Variants in TMEM123 observed in about 807,000 individuals in gnomAD.
The protein encoded by TMEM123 is porimin.
A neutral mutation model predicts 19.7 loss-of-function variants in TMEM123; 16 were observed. That is an observed-to-expected ratio of 0.81 (90% confidence interval 0.55 to 1.23). The LOEUF (loss-of-function observed/expected upper bound fraction) is 1.23, where lower values mean the gene tolerates loss of function less well. TMEM123 is among the 50% of genes most tolerant of loss of function. The probability of loss-of-function intolerance (pLI) is 0.00; values close to 1 mark genes in which losing one functional copy is unlikely to be tolerated. For missense variants in TMEM123, 313 were observed against 257.8 expected, an observed-to-expected ratio of 1.21 and a Z score of -1.47; for synonymous variants, 118 against 99.4, an observed-to-expected ratio of 1.19 and a Z score of -1.12.
chr11:102,425,330 G>A (rs1049897315), intron 2 of TMEM123, among the ~76,000 whole-genome samples: 5 of 152,130 alleles, frequency 3.3e-5, no homozygotes, highest in Admixed American at 1.3e-4. Context: ...AGATGGTTAC[G>A]GTCCACTGTT....
At chr11:102,438,873 C>T (rs1379107358) in intron 2 of TMEM123, among the ~76,000 whole-genome samples, 3 of 152,176 alleles carry the variant, frequency 2.0e-5, no homozygotes, top group African/African-American at 4.8e-5. Flanking sequence ...CCTAGAAAAT[C>T]GGGACACTCC....
At chr11:102,411,889 G>C (rs1054796534) in intron 2 of TMEM123, among the ~76,000 whole-genome samples, 24 of 152,138 alleles carry the variant, frequency 1.6e-4, no homozygotes, top group African/African-American at 5.6e-4. Flanking sequence ...TACAGTTGGG[G>C]GGCACCCAAG....
intron 1 of TMEM123, chr11:102,449,127 A>T (rs1857913034): frequency 2.9e-6 from 1 of 340,380 alleles, no homozygotes; most frequent in African/African-American, 2.1e-5. Context: ...TATACCAGCC[A>T]CCGAATGCAA....
At chr11:102,448,587 T>G (rs180789018) in intron 2 of TMEM123, among the ~76,000 whole-genome samples, 1 of 152,324 alleles carries the variant, frequency 6.6e-6, no homozygotes, top group African/African-American at 2.4e-5. Context: ...ACTTTTTGTT[T>G]TAGAATTTAT....
At chr11:102,417,653 T>A (rs1264298892) in intron 2 of TMEM123, among the ~76,000 whole-genome samples, 1 of 152,174 alleles carries the variant, frequency 6.6e-6, no homozygotes, top group Admixed American at 6.5e-5. Context: ...CTAAAATTCA[T>A]ATGGATCCAA....
chr11:102,446,525 A>C (rs1591568771), intron 2 of TMEM123, among the ~76,000 whole-genome samples: 1 of 152,386 alleles, frequency 6.6e-6, no homozygotes, highest in South Asian at 2.1e-4. Context: ...CACATCTGCA[A>C]AATGTATATA....
chr11:102,432,295 C>T (rs769754410), intron 2 of TMEM123, among the ~76,000 whole-genome samples: 6 of 152,166 alleles, frequency 3.9e-5, no homozygotes, highest in Non-Finnish European at 5.9e-5. Flanking sequence ...ACTTGTTGAA[C>T]GGCTTTGACC....
chr11:102,406,727 C>T (rs1409514579), intron 2 of TMEM123, among the ~76,000 whole-genome samples: 2 of 151,880 alleles, frequency 1.3e-5, no homozygotes, highest in African/African-American at 4.8e-5. Context: ...AAAAATTAGC[C>T]GGGCATGGTG....
intron 2 of TMEM123, among the ~76,000 whole-genome samples, chr11:102,407,320 G>C (rs755808157): frequency 2.0e-5 from 3 of 152,208 alleles, no homozygotes; most frequent in Non-Finnish European, 4.4e-5. Flanking sequence ...GACAGGAGCT[G>C]CACCCTACTA....
rs1275733719 is a variant in TMEM123 at position 102,450,015 on chromosome 11, A to G, written c.101-1147T>C. Among the ~76,000 whole-genome samples, 3 of 152,118 alleles carry G rather than the reference A, an allele frequency of 2.0e-5. No homozygotes were observed. The South Asian group carries it at 6.2e-4, about 32-fold the overall frequency. On this transcript the variant is annotated intron_variant, in intron 1 of 4. Transcript: ENST00000398136. ...CCCCAACCTTCCCAATTGTTGCATT[A>G]CCAGCTGCTCAACCCCAAAACCAAG...
chr11:102,402,123 A>C lies in TMEM123; in HGVS notation c.241T>G (p.Ser81Ala), dbSNP rs1364312037. 1 of 1,614,106 alleles carries C rather than the reference A, an allele frequency of 6.2e-7. No individual in the cohort carries two copies. Among genetic ancestry groups the C allele is most frequent in the East Asian group, 2.2e-5 (1 of 44,874 alleles). The part of the protein sequence containing the change: ...VKPPTSVASD[S>A]SNTTVTTMKP... The stretch of plus-strand genomic sequence containing the variant: ...ATGGTGGTGACCGTTGTATTACTGG[A>C]GTCTGAGGCAACTGAAGTTGGTGGT... The change falls in exon 3 of 5, where the codon TCC (serine) becomes GCC (alanine). Residue 81 changes from serine to alanine, a missense_variant. Physicochemically the swap from Ser to Ala is moderately conservative, Grantham distance 99 (BLOSUM62 1). Transcript: ENST00000398136.
chr11:102,448,690 T>A, intron 2 of TMEM123, 122 bp downstream of exon 2: 2 of 851,550 alleles, frequency 2.3e-6, no homozygotes, highest in Admixed American at 3.9e-5. Flanking sequence ...TTGGGATTCA[T>A]GGGTGAAGAA....
At chr11:102,399,760 A>G (rs542972114) in intron 4 of TMEM123, among the ~76,000 whole-genome samples, 92 of 152,346 alleles carry the variant, frequency 6.0e-4, no homozygotes, top group African/African-American at 2.0e-3. Flanking sequence ...ACCTAAGGTC[A>G]GGAGTTTGAG....
intron 2 of TMEM123, among the ~76,000 whole-genome samples, chr11:102,433,607 A>C (rs1223875405): frequency 2.6e-5 from 4 of 151,802 alleles, no homozygotes; most frequent in Admixed American, 2.6e-4. Flanking sequence ...ACTTTGGAAG[A>C]CTGTTGGGAA....
chr11:102,443,808 G>A (rs1857852926), intron 2 of TMEM123, among the ~76,000 whole-genome samples: 1 of 151,914 alleles, frequency 6.6e-6, no homozygotes, highest in African/African-American at 2.4e-5. Flanking sequence ...TCTGACAAAG[G>A]GCTAATATCC....
At chr11:102,402,315 C>T (rs1050367151) in intron 2 of TMEM123, 109 bp from the exon 3 acceptor site, 4 of 1,152,240 alleles carry the variant, frequency 3.5e-6, no homozygotes, top group African/African-American at 1.6e-5. Context: ...CTTACAAATA[C>T]AGCAGCATTT....
chr11:102,428,227 T>C (rs1952146145), intron 2 of TMEM123, among the ~76,000 whole-genome samples: 1 of 152,218 alleles, frequency 6.6e-6, no homozygotes, highest in South Asian at 2.1e-4. Context: ...ACTTCAATTT[T>C]TTATCCTGAA....
intron 2 of TMEM123, among the ~76,000 whole-genome samples, chr11:102,444,112 G>C (rs1857857050): frequency 6.6e-6 from 1 of 152,230 alleles, no homozygotes; most frequent in Non-Finnish European, 1.5e-5. Flanking sequence ...GGGTAAAGTA[G>C]TTCAACCATT....
chr11:102,427,145 T>C (rs370996916), intron 2 of TMEM123, among the ~76,000 whole-genome samples: 9 of 151,290 alleles, frequency 5.9e-5, no homozygotes, highest in Non-Finnish European at 1.0e-4. Flanking sequence ...TTATCCTCCA[T>C]ATCTAGCTAG....
Sources: gnomAD v4.1 joint callset for allele counts (sites outside exome capture counted in the v4.1 genomes callset) on GRCh38, gnomAD v4.1.1 for gene constraint, MANE v1.5 for transcripts, NCBI Gene and HGNC (gene_info 2026-07-23, HGNC 2026-07-21) for gene names.